Variants in GABRG3 observed in about 807,000 individuals in gnomAD.
GABRG3 encodes the protein gamma-aminobutyric acid receptor subunit gamma-3.
GABRG3 carries 25 observed loss-of-function variants against 48.8 expected under a neutral mutation model. The observed-to-expected ratio is 0.51, with a 90% CI of 0.37 to 0.72. The LOEUF (loss-of-function observed/expected upper bound fraction) is 0.72, where lower values mean the gene tolerates loss of function less well. Among genes scored for constraint, GABRG3 ranks in the 30% least tolerant of loss-of-function variants. The probability of loss-of-function intolerance (pLI) is 0.00; values close to 1 mark genes in which losing one functional copy is unlikely to be tolerated. For missense variants in GABRG3, 394 were observed against 577.9 expected (o/e 0.68, Z 3.26); for synonymous variants, 227 against 217.6 (o/e 1.04, Z -0.38).
intron 3 of GABRG3, among the ~76,000 whole-genome samples, chr15:27,310,909 G>C (rs751003163): frequency 8.5e-5 from 13 of 152,102 alleles, no homozygotes; most frequent in Non-Finnish European, 1.8e-4. Flanking sequence ...GGAGTAATTG[G>C]ATGCTCTTAT....
chr15:27,102,916 G>A (rs531856212), intron 3 of GABRG3, among the ~76,000 whole-genome samples: 1 of 152,224 alleles, frequency 6.6e-6, no homozygotes, highest in Admixed American at 6.5e-5. Context: ...AAAATTCCAG[G>A]AAGAACAAAT....
Position 26,982,286 on chromosome 15 carries a change from GCT to G in GABRG3, c.202+5138_202+5139del, listed in dbSNP as rs1895070144. Among the ~76,000 whole-genome samples the G allele has an allele frequency of 3.3e-5, 5 of 152,162 alleles. No individual in the cohort carries two copies. The South Asian group carries it at 1.0e-3, about 32-fold the overall frequency. ...CAAAGATACCCAAGACTGGTTCCTT[GCT>G]CCTCTGGATAAGCTAAGTCCAGTTG... is the stretch of plus-strand genomic sequence containing the variant. On this transcript the variant is annotated intron_variant, in intron 2 of 9. Coordinates refer to ENST00000615808, the MANE Select transcript of GABRG3 (RefSeq NM_033223.5).
chr15:27,384,014 A>G (rs1024492180), intron 5 of GABRG3, among the ~76,000 whole-genome samples: 1 of 152,236 alleles, frequency 6.6e-6, no homozygotes, highest in Non-Finnish European at 1.5e-5. Context: ...ATTAAGGACT[A>G]CATGACAGAC....
intron 5 of GABRG3, among the ~76,000 whole-genome samples, chr15:27,353,105 G>C (rs1375561587): frequency 6.6e-6 from 1 of 152,022 alleles, no homozygotes; most frequent in Non-Finnish European, 1.5e-5. Context: ...CTCCCTCACT[G>C]TCTTTGTAGG....
intron 5 of GABRG3, among the ~76,000 whole-genome samples, chr15:27,403,919 A>C (rs1463906442): frequency 1.0e-4 from 14 of 133,694 alleles, no homozygotes; most frequent in Non-Finnish European, 1.7e-4. Flanking sequence ...AAAAACAAAA[A>C]AAAAAAAAAC....
In GABRG3 at chr15:27,537,047, A is replaced by T. The variant is rs1891561786; in HGVS notation, c.*4166A>T. 1 of 150,898 alleles carries T rather than the reference A, an allele frequency of 6.6e-6. No individual in the cohort carries two copies. Among genetic ancestry groups the T allele is most frequent in the Non-Finnish European group, 1.5e-5 (1 of 67,884 alleles). The allele number at this position is 150,898 out of a possible 1,614,324, so 9.3% of individuals were successfully genotyped here. A position where few individuals can be genotyped will look rare whatever the true frequency, so the allele number is the denominator to read the frequency against. On this transcript the variant is annotated 3_prime_UTR_variant, in exon 10 of 10. Transcript: ENST00000615808. ...CAAAGCACTTGGAATTCACTCCATG[A>T]TCTTGCAACTCTTTTTGAGTGCTTT...
intron 6 of GABRG3, among the ~76,000 whole-genome samples, chr15:27,515,869 G>A (rs938420228): frequency 2.0e-5 from 3 of 152,128 alleles, no homozygotes; most frequent in African/African-American, 7.2e-5. Flanking sequence ...ATAAATTCAG[G>A]TGGGAACATC....
chr15:26,977,808 G>A (rs1306802727), intron 2 of GABRG3, among the ~76,000 whole-genome samples: 1 of 152,194 alleles, frequency 6.6e-6, no homozygotes, highest in South Asian at 2.1e-4. Flanking sequence ...TTCTATGTGA[G>A]CATAAGATTG....
chr15:27,150,432 C>T (rs550761137), intron 3 of GABRG3, among the ~76,000 whole-genome samples: 5 of 152,192 alleles, frequency 3.3e-5, no homozygotes, highest in African/African-American at 7.2e-5. Flanking sequence ...TTTAGTTCAG[C>T]GTTTCTCAAA....
At chr15:27,277,511 G>T (rs1891295081) in intron 3 of GABRG3, among the ~76,000 whole-genome samples, 1 of 152,164 alleles carries the variant, frequency 6.6e-6, no homozygotes, top group African/African-American at 2.4e-5. Context: ...AACTGGAGGA[G>T]ATTGATAGCC....
intron 5 of GABRG3, among the ~76,000 whole-genome samples, chr15:27,410,425 C>T (rs896844858): frequency 6.6e-6 from 1 of 151,976 alleles, no homozygotes; most frequent in Non-Finnish European, 1.5e-5. Context: ...ACTATTTCAT[C>T]CTTATTTGTT....
intron 3 of GABRG3, among the ~76,000 whole-genome samples, chr15:27,221,002 CTTTT>C (rs1566969907): frequency 6.8e-6 from 1 of 146,298 alleles, no homozygotes; most frequent in African/African-American, 2.6e-5. Flanking sequence ...TTTTTTTTTT[CTTTT>C]TTCTGCCTTT....
chr15:27,027,945 CAT>C (rs976812602), intron 3 of GABRG3, among the ~76,000 whole-genome samples: 10 of 152,210 alleles, frequency 6.6e-5, no homozygotes, highest in African/African-American at 2.4e-4. Context: ...TTACGTCTAA[CAT>C]GTGTTTATGT....
chr15:27,210,625 G>A (rs1889047702), intron 3 of GABRG3, among the ~76,000 whole-genome samples: 1 of 152,226 alleles, frequency 6.6e-6, no homozygotes, highest in Non-Finnish European at 1.5e-5. Flanking sequence ...TTCTCAGAGT[G>A]CATGCAGACA....
intron 5 of GABRG3, among the ~76,000 whole-genome samples, chr15:27,339,313 C>G (rs28490422): frequency 0.015 from 2,354 of 152,326 alleles, 54 homozygotes; most frequent in African/African-American, 0.054. Flanking sequence ...CTGGAAGCAG[C>G]TAGAGGGAGC....
intron 3 of GABRG3, among the ~76,000 whole-genome samples, chr15:27,231,807 T>TTA (rs1464227362): frequency 1.3e-5 from 2 of 152,204 alleles, no homozygotes; most frequent in South Asian, 2.1e-4. Context: ...TTTTCCACAG[T>TTA]TATATGAAGG....
At chr15:27,095,839 C>A (rs747810561) in intron 3 of GABRG3, among the ~76,000 whole-genome samples, 31 of 152,104 alleles carry the variant, frequency 2.0e-4, no homozygotes, top group South Asian at 2.1e-4. Context: ...CACACCAACC[C>A]GTTTTCAGAC....
chr15:27,061,984 C>T (rs1040750678), intron 3 of GABRG3, among the ~76,000 whole-genome samples: 1 of 152,188 alleles, frequency 6.6e-6, no homozygotes, highest in African/African-American at 2.4e-5. Flanking sequence ...AATCAGCCTC[C>T]TCCTTCCTTC....
At chr15:27,103,394 C>A (rs1897393974) in intron 3 of GABRG3, among the ~76,000 whole-genome samples, 1 of 152,096 alleles carries the variant, frequency 6.6e-6, no homozygotes, top group African/African-American at 2.4e-5. Context: ...CTGAGTATCC[C>A]CACAGCAGGT....
Sources: gnomAD v4.1 joint callset for allele counts (sites outside exome capture counted in the v4.1 genomes callset) on GRCh38, gnomAD v4.1.1 for gene constraint, MANE v1.5 for transcripts, NCBI Gene and HGNC (gene_info 2026-07-23, HGNC 2026-07-21) for gene names.